ZDHHC13: variants seen among roughly 807,000 people sequenced by gnomAD.
ZDHHC13 encodes the protein palmitoyltransferase ZDHHC13.
Under a neutral mutation model 86.0 loss-of-function variants are expected in ZDHHC13, and 85 were observed. The observed-to-expected ratio is 0.99, with a 90% CI of 0.83 to 1.18. The LOEUF (loss-of-function observed/expected upper bound fraction) is 1.18. Ranked by LOEUF, ZDHHC13 falls within the 50% of genes most tolerant of loss-of-function variation. The pLI is 0.00. For synonymous variants in ZDHHC13, 263 were observed against 246.4 expected (o/e 1.07, Z -0.63); for missense variants, 711 against 730.2 (o/e 0.97, Z 0.30).
chr11:19,128,030 A>G (rs552340111), intron 1 of ZDHHC13, among the ~76,000 whole-genome samples: 3 of 152,162 alleles, frequency 2.0e-5, no homozygotes, highest in Non-Finnish European at 1.5e-5. Context: ...AAATCTGTAA[A>G]TTGCTTTGGG....
At chr11:19,171,595 C>A (rs1850222868) in intron 15 of ZDHHC13, among the ~76,000 whole-genome samples, 1 of 152,130 alleles carries the variant, frequency 6.6e-6, no homozygotes, top group African/African-American at 2.4e-5. Context: ...TAGACTCCAG[C>A]AGCAAGAATA....
chr11:19,151,364 C>T (rs1393957), intron 6 of ZDHHC13, among the ~76,000 whole-genome samples: 72,751 of 151,736 alleles, frequency 0.48, 21,352 homozygotes, highest in Non-Finnish European at 0.63. Context: ...CAGATACTTA[C>T]GACAGTTCTC....
intron 1 of ZDHHC13, among the ~76,000 whole-genome samples, chr11:19,130,574 ATTC>A (rs1397228417): frequency 2.6e-5 from 4 of 152,034 alleles, no homozygotes; most frequent in African/African-American, 4.8e-5. Flanking sequence ...CTATTTTTAT[ATTC>A]TTCTTCTTGT....
At chr11:19,138,627 C>T (rs1423741639) in intron 1 of ZDHHC13, among the ~76,000 whole-genome samples, 1 of 151,008 alleles carries the variant, frequency 6.6e-6, no homozygotes, top group Non-Finnish European at 1.5e-5. Context: ...GAATTTTAGA[C>T]CAATATCCTT....
At chr11:19,159,674 AAAAC>A (rs1197824964) in intron 10 of ZDHHC13, among the ~76,000 whole-genome samples, 3 of 151,968 alleles carry the variant, frequency 2.0e-5, no homozygotes, top group East Asian at 1.9e-4. Context: ...GATTAAAACA[AAAAC>A]AAACAAACAA....
At chr11:19,164,244 A>C in intron 11 of ZDHHC13, 57 bp from the exon 12 acceptor site, 1 of 1,557,624 alleles carries the variant, frequency 6.4e-7, no homozygotes, top group Non-Finnish European at 8.8e-7. Flanking sequence ...GTGTATAACC[A>C]TGCATAATAC....
At position 19,175,972 on chromosome 11, in the gene ZDHHC13, C is replaced by G; in HGVS notation, c.*12C>G. On this transcript the variant is annotated 3_prime_UTR_variant, in exon 17 of 17. Transcript: ENST00000446113. ...TTCGCTCAGTATGAAGAAAAGCAAC[C>G]CAAAACTCTCAATCTGATTTGTTTT... 3.8e-6 allele frequency: 6 copies of G among 1,587,186 alleles called. No homozygotes were observed. The highest frequency in any genetic ancestry group is 5.1e-6 in the Non-Finnish European group (6 of 1,171,860).
At chr11:19,140,919 G>C (rs1242788374) in intron 1 of ZDHHC13, among the ~76,000 whole-genome samples, 18 of 117,660 alleles carry the variant, frequency 1.5e-4, no homozygotes, top group South Asian at 1.0e-3. Flanking sequence ...ACTGTTGTGG[G>C]GTGGGGGGAG....
At chr11:19,166,182 C>T in intron 13 of ZDHHC13, 120 bp from the exon 14 acceptor site, 1 of 752,954 alleles carries the variant, frequency 1.3e-6, no homozygotes, top group East Asian at 2.8e-5. Context: ...AGCAAAGCAA[C>T]AGCTTTATTT....
intron 4 of ZDHHC13, among the ~76,000 whole-genome samples, chr11:19,147,997 CTATT>C (rs1849515140): frequency 6.6e-6 from 1 of 152,096 alleles, no homozygotes; most frequent in African/African-American, 2.4e-5. Flanking sequence ...TGACAGATGT[CTATT>C]TAGAAATTTA....
Position 19,119,236 on chromosome 11 carries a change from G to T in ZDHHC13, c.27+1960G>T, listed in dbSNP as rs538556690. Among the ~76,000 whole-genome samples, 11 of 152,112 alleles carry T rather than the reference G, an allele frequency of 7.2e-5. No individual in the cohort carries two copies. In the East Asian group the frequency reaches 1.5e-3, roughly 21 times the overall value. On this transcript the variant is annotated intron_variant, in intron 1 of 16. Coordinates refer to ENST00000446113, the MANE Select transcript of ZDHHC13 (RefSeq NM_019028.3). ...TATGATTCCCCTGCCTCAGCCTGCC[G>T]AGTAGCTGGAACTATAGGTGCGGAC... is the stretch of plus-strand genomic sequence containing the variant.
At position 19,150,880 on chromosome 11, in the gene ZDHHC13, A is replaced by C; in HGVS notation, c.584+89A>C. The C allele has an allele frequency of 3.4e-6, 4 of 1,160,962 alleles. No homozygotes were observed. In the South Asian group the frequency reaches 5.9e-5, roughly 17 times the overall value. 71.9% of individuals were successfully genotyped at this position (1,160,962 alleles called of 1,614,324 possible). On this transcript the variant is annotated intron_variant, in intron 6 of 16. Transcript: ENST00000446113. ...AATTTTAAGTATCTGTGTCTATGTG[A>C]GATGATAGTACATTGAAGAAAATAA...
intron 14 of ZDHHC13, chr11:19,170,148 A>G: frequency 7.9e-7 from 1 of 1,272,202 alleles, no homozygotes; most frequent in Non-Finnish European, 9.9e-7. Context: ...ATTTTAGTAA[A>G]GATTTTACGG....
intron 8 of ZDHHC13, among the ~76,000 whole-genome samples, chr11:19,153,131 T>C (rs1849658193): frequency 6.6e-6 from 1 of 152,192 alleles, no homozygotes; most frequent in African/African-American, 2.4e-5. Flanking sequence ...AATGATAGTG[T>C]TGAAAATTTT....
intron 4 of ZDHHC13, among the ~76,000 whole-genome samples, chr11:19,148,225 T>C (rs1407720232): frequency 6.6e-6 from 1 of 152,068 alleles, no homozygotes; most frequent in Non-Finnish European, 1.5e-5. Flanking sequence ...TGAATACTTA[T>C]CAGTTTCTTT....
At chr11:19,133,920 C>CATATATAT (rs1554961794) in intron 1 of ZDHHC13, among the ~76,000 whole-genome samples, 46 of 83,432 alleles carry the variant, frequency 5.5e-4, no homozygotes, top group Non-Finnish European at 6.9e-4. Context: ...GAAAGAAGTC[C>CATATATAT]ATATATATAT....
chr11:19,123,067 C>T (rs1848792206), intron 1 of ZDHHC13, among the ~76,000 whole-genome samples: 2 of 152,292 alleles, frequency 1.3e-5, no homozygotes, highest in South Asian at 4.1e-4. Flanking sequence ...GACATATCTC[C>T]CTTATTAGAC....
chr11:19,155,871 T>C lies in ZDHHC13; in HGVS notation c.949T>C (p.Trp317Arg). Residue 317 changes from tryptophan to arginine, a missense_variant, in exon 9 of 17, where the codon TGG (tryptophan) becomes CGG (arginine). Physicochemically the swap from Trp to Arg is moderately radical, Grantham distance 101 (BLOSUM62 -3). Coordinates refer to ENST00000446113, the MANE Select transcript of ZDHHC13 (RefSeq NM_019028.3). ...CATATTGGACTTCAATTCAGATTCT[T>C]GGCTTTTAAAAGGATGTCTTCTAGT... ...GYILDFNSDS[W>R]LLKGCLLVTL... 1 of 1,612,936 alleles carries C rather than the reference T, an allele frequency of 6.2e-7. No homozygotes were observed. Among genetic ancestry groups the C allele is most frequent in the Non-Finnish European group, 8.5e-7 (1 of 1,179,718 alleles).
At chr11:19,158,354 A>G (rs12270581) in intron 9 of ZDHHC13, among the ~76,000 whole-genome samples, 100,456 of 151,900 alleles carry the variant, frequency 0.66, 33,852 homozygotes, top group Admixed American at 0.76. Context: ...TGAACCTCAA[A>G]TCGCCTGTGA....
Sources: gnomAD v4.1 joint callset for allele counts (sites outside exome capture counted in the v4.1 genomes callset) on GRCh38, gnomAD v4.1.1 for gene constraint, MANE v1.5 for transcripts, NCBI Gene and HGNC (gene_info 2026-07-23, HGNC 2026-07-21) for gene names.